GRIA2: variants seen among roughly 807,000 people sequenced by gnomAD.
GRIA2 encodes glutamate ionotropic receptor AMPA type subunit 2.
In GRIA2, 14 loss-of-function variants were observed where a neutral mutation model predicts 97.3. That is an observed-to-expected ratio of 0.14 (90% CI 0.10 to 0.23). The LOEUF is 0.23. Among genes scored for constraint, GRIA2 ranks in the 10% least tolerant of loss-of-function variants. The probability of loss-of-function intolerance (pLI) is 1.00; values close to 1 mark genes in which losing one functional copy is unlikely to be tolerated. For synonymous variants in GRIA2, 412 were observed against 387.8 expected (o/e 1.06, Z -0.73); for missense variants, 558 against 1,069.8 (o/e 0.52, Z 6.67).
At chr4:157,313,901 A>G (rs1734198988) in intron 4 of GRIA2, among the ~76,000 whole-genome samples, 1 of 152,188 alleles carries the variant, frequency 6.6e-6, no homozygotes, top group Non-Finnish European at 1.5e-5. Context: ...ATTATATACC[A>G]TATTGTTATA....
intron 2 of GRIA2, among the ~76,000 whole-genome samples, chr4:157,300,981 G>A (rs1733590427): frequency 6.6e-6 from 1 of 152,180 alleles, no homozygotes; most frequent in African/African-American, 2.4e-5. Context: ...TGCTGATGCT[G>A]TGGCTGCTGT....
chr4:157,275,543 G>T lies in GRIA2; in HGVS notation c.230-28009G>T, dbSNP rs375672437. On this transcript the variant is annotated intron_variant, in intron 2 of 15. Transcript: ENST00000264426. Reference sequence around the variant, plus strand: ...TTTAATCCATCTTGAATTAATTTTTGTATAAGGTGTAAGGAAGGGATCCAG... The same window carrying T: ...TTTAATCCATCTTGAATTAATTTTTTTATAAGGTGTAAGGAAGGGATCCAG... Among the ~76,000 whole-genome samples, 68 of 152,210 alleles carry T rather than the reference G, an allele frequency of 4.5e-4. 3 individuals carry two copies. In the South Asian group the frequency reaches 0.014, roughly 32 times the overall value.
Position 157,337,603 on chromosome 4 carries a change from T to G in GRIA2, c.1844+856T>G, listed in dbSNP as rs1009218951. Among the ~76,000 whole-genome samples, 9 of 152,164 alleles carry G rather than the reference T, an allele frequency of 5.9e-5. No individual in the cohort carries two copies. The South Asian group carries it at 1.9e-3, about 32-fold the overall frequency. ...TTAATTTGGGCTCTATTACCCTTCT[T>G]CGATTTTACAGGATATCTTAATAAC... On this transcript the variant is annotated intron_variant, in intron 11 of 15. Coordinates refer to ENST00000264426, the MANE Select transcript of GRIA2 (RefSeq NM_001083619.3).
At chr4:157,357,385 TTTA>T (rs2126992846) in intron 12 of GRIA2, among the ~76,000 whole-genome samples, 1 of 152,200 alleles carries the variant, frequency 6.6e-6, no homozygotes, top group East Asian at 1.9e-4. Context: ...ATGAAAACAT[TTTA>T]TTAACTTTGT....
At chr4:157,263,411 A>G (rs922670731) in intron 2 of GRIA2, among the ~76,000 whole-genome samples, 6 of 151,644 alleles carry the variant, frequency 4.0e-5, no homozygotes, top group African/African-American at 1.5e-4. Flanking sequence ...GTGGCTCAGG[A>G]TTTTAAAAGT....
chr4:157,286,078 C>G (rs1219446354), intron 2 of GRIA2, among the ~76,000 whole-genome samples: 3 of 151,302 alleles, frequency 2.0e-5, no homozygotes, highest in Non-Finnish European at 3.0e-5. Context: ...TATGTATCAA[C>G]CTTTGTAAAA....
chr4:157,246,285 CTTTG>C (rs969345374), intron 2 of GRIA2, among the ~76,000 whole-genome samples: 3 of 152,122 alleles, frequency 2.0e-5, no homozygotes, highest in Admixed American at 6.6e-5. Flanking sequence ...GCCTTAGTTA[CTTTG>C]TTTGTGAAAT....
At chr4:157,296,608 C>T (rs1469823782) in intron 2 of GRIA2, among the ~76,000 whole-genome samples, 1 of 151,980 alleles carries the variant, frequency 6.6e-6, no homozygotes, top group Non-Finnish European at 1.5e-5. Flanking sequence ...GAATTAATAG[C>T]CCCATTCAAT....
chr4:157,354,935 G>T (rs561680978), intron 12 of GRIA2, among the ~76,000 whole-genome samples: 1 of 152,150 alleles, frequency 6.6e-6, no homozygotes, highest in Non-Finnish European at 1.5e-5. Context: ...AAATAAGGAA[G>T]GGGTAACTAT....
chr4:157,296,337 C>A (rs979308762), intron 2 of GRIA2, among the ~76,000 whole-genome samples: 1 of 152,046 alleles, frequency 6.6e-6, no homozygotes, highest in Admixed American at 6.6e-5. Flanking sequence ...CCACTATCAA[C>A]GGAAATGAAA....
rs78067544 is a variant in GRIA2 at position 157,278,156 on chromosome 4, T to G, written c.230-25396T>G. 6.7e-3 allele frequency among the ~76,000 whole-genome samples: 1,010 copies of G among 151,580 alleles called. 10 individuals carry two copies. Among genetic ancestry groups the G allele is most frequent in the African/African-American group, 0.022 (908 of 41,432 alleles). ...GTGGAGAGAAAAGAATACCTAGAAT[T>G]GCCAACACAATATTAAAGAAGATGA... On this transcript the variant is annotated intron_variant, in intron 2 of 15. Coordinates refer to ENST00000264426, the MANE Select transcript of GRIA2 (RefSeq NM_001083619.3).
At chr4:157,261,668 A>C (rs76023829) in intron 2 of GRIA2, among the ~76,000 whole-genome samples, 118 of 152,288 alleles carry the variant, frequency 7.7e-4, no homozygotes, top group African/African-American at 2.8e-3. Context: ...AAGGATTAAA[A>C]AATACTTCCT....
intron 2 of GRIA2, among the ~76,000 whole-genome samples, chr4:157,301,508 A>G (rs1733614370): frequency 6.6e-6 from 1 of 152,206 alleles, no homozygotes; most frequent in South Asian, 2.1e-4. Flanking sequence ...TACATATTAC[A>G]CAGGTTTTCG....
At chr4:157,354,745 T>A (rs1166516877) in intron 12 of GRIA2, among the ~76,000 whole-genome samples, 2 of 152,248 alleles carry the variant, frequency 1.3e-5, no homozygotes, top group Non-Finnish European at 2.9e-5. Flanking sequence ...GTCCCAGCAC[T>A]GAGAGGGGAA....
At chr4:157,234,367 T>G (rs533342513) in intron 2 of GRIA2, among the ~76,000 whole-genome samples, 1 of 152,054 alleles carries the variant, frequency 6.6e-6, no homozygotes, top group Non-Finnish European at 1.5e-5. Flanking sequence ...CCATTCAAGC[T>G]GAAAATAGAG....
At chr4:157,260,682 T>C (rs62331527) in intron 2 of GRIA2, among the ~76,000 whole-genome samples, 11,152 of 152,132 alleles carry the variant, frequency 0.073, 528 homozygotes, top group Non-Finnish European at 0.1. Flanking sequence ...ATGCCCAGTT[T>C]CAATTGCTAT....
At chr4:157,305,528 T>C (rs1733804677) in intron 3 of GRIA2, among the ~76,000 whole-genome samples, 1 of 152,182 alleles carries the variant, frequency 6.6e-6, no homozygotes, top group Non-Finnish European at 1.5e-5. Flanking sequence ...TAAGGTCTTA[T>C]AATATCCAAT....
intron 2 of GRIA2, among the ~76,000 whole-genome samples, chr4:157,292,695 A>T (rs967496583): frequency 2.6e-5 from 4 of 152,212 alleles, no homozygotes; most frequent in African/African-American, 9.6e-5. Context: ...TAATAGAGGA[A>T]ACTATAAAAA....
intron 2 of GRIA2, among the ~76,000 whole-genome samples, chr4:157,244,028 AG>A (rs757913695): frequency 1.7e-4 from 26 of 152,164 alleles, no homozygotes; most frequent in Non-Finnish European, 1.2e-4. Context: ...ACAATATGTT[AG>A]GTAGGCTGAG....
Sources: allele counts gnomAD v4.1 joint callset (sites outside exome capture counted in the v4.1 genomes callset), GRCh38; gene constraint gnomAD v4.1.1; transcripts MANE v1.5; gene names NCBI Gene and HGNC (gene_info 2026-07-23, HGNC 2026-07-21).